The following KCNIP4 variants were observed in gnomAD, a reference collection of about 807,000 sequenced individuals.
KCNIP4 encodes Kv channel-interacting protein 4.
Under a neutral mutation model 34.0 loss-of-function variants are expected in KCNIP4, and 12 were observed. That is an observed-to-expected ratio of 0.35 (90% CI 0.23 to 0.57). KCNIP4 has a LOEUF of 0.57. KCNIP4 is among the 20% of genes least tolerant of loss of function. The probability of loss-of-function intolerance (pLI) is 0.83; values close to 1 mark genes in which losing one functional copy is unlikely to be tolerated. For synonymous variants in KCNIP4, 124 were observed against 102.2 expected (o/e 1.21, Z -1.29); for missense variants, 238 against 311.7 (o/e 0.76, Z 1.78).
intron 1 of KCNIP4, among the ~76,000 whole-genome samples, chr4:21,362,808 G>T (rs1224513046): frequency 2.0e-5 from 3 of 152,034 alleles, no homozygotes; most frequent in African/African-American, 4.8e-5. Flanking sequence ...AGTTAGAAAT[G>T]CAGACTAGGT....
chr4:20,943,179 A>T (rs557875095), intron 1 of KCNIP4, among the ~76,000 whole-genome samples: 2 of 152,294 alleles, frequency 1.3e-5, no homozygotes, highest in South Asian at 4.1e-4. Context: ...ACATATCTTT[A>T]AAAATATAAC....
intron 1 of KCNIP4, among the ~76,000 whole-genome samples, chr4:21,133,691 T>TA (rs1257611825): frequency 6.6e-6 from 1 of 152,218 alleles, no homozygotes; most frequent in African/African-American, 2.4e-5. Flanking sequence ...AAGACAATTT[T>TA]AAAAATATTA....
chr4:21,194,318 G>C (rs1196047104), intron 1 of KCNIP4, among the ~76,000 whole-genome samples: 1 of 152,150 alleles, frequency 6.6e-6, no homozygotes, highest in Admixed American at 6.5e-5. Flanking sequence ...TATGACTCCT[G>C]CCACTTCCAT....
intron 1 of KCNIP4, among the ~76,000 whole-genome samples, chr4:21,241,204 T>C (rs1234341908): frequency 1.3e-5 from 2 of 152,222 alleles, no homozygotes; most frequent in African/African-American, 2.4e-5. Flanking sequence ...ATTGTATGTT[T>C]GTTCACAGAA....
chr4:21,134,791 A>G (rs1254747939), intron 1 of KCNIP4, among the ~76,000 whole-genome samples: 1 of 152,122 alleles, frequency 6.6e-6, no homozygotes, highest in Non-Finnish European at 1.5e-5. Flanking sequence ...GTTCTCATGA[A>G]TCTTTAACTG....
chr4:20,957,075 G>T (rs553305676), intron 1 of KCNIP4, among the ~76,000 whole-genome samples: 392 of 152,188 alleles, frequency 2.6e-3, no homozygotes, highest in African/African-American at 8.6e-3. Flanking sequence ...TGGAAGAAAA[G>T]AAAGTAAAAA....
At chr4:21,447,969 T>G (rs1306557942) in intron 1 of KCNIP4, among the ~76,000 whole-genome samples, 1 of 152,102 alleles carries the variant, frequency 6.6e-6, no homozygotes, top group Non-Finnish European at 1.5e-5. Context: ...GAATTTTCCA[T>G]TTAATATTTT....
chr4:21,889,377 GA>G (rs35035073), intron 1 of KCNIP4, among the ~76,000 whole-genome samples: 22,297 of 149,646 alleles, frequency 0.15, 2,007 homozygotes, highest in Non-Finnish European at 0.2. Flanking sequence ...CTCAAAATCT[GA>G]AAAAAAAACA....
intron 1 of KCNIP4, among the ~76,000 whole-genome samples, chr4:21,520,277 G>GT (rs1289732082): frequency 6.6e-6 from 1 of 152,034 alleles, no homozygotes; most frequent in Non-Finnish European, 1.5e-5. Context: ...TTGACACTCA[G>GT]TATTAACCAT....
At chr4:21,490,763 C>G (rs1401879532) in intron 1 of KCNIP4, among the ~76,000 whole-genome samples, 1 of 152,112 alleles carries the variant, frequency 6.6e-6, no homozygotes, top group Non-Finnish European at 1.5e-5. Context: ...CAGCTTGATG[C>G]AAATGAAAGG....
intron 1 of KCNIP4, among the ~76,000 whole-genome samples, chr4:21,582,617 A>G (rs1741319424): frequency 6.6e-6 from 1 of 151,964 alleles, no homozygotes; most frequent in Non-Finnish European, 1.5e-5. Context: ...AATTTCTGTG[A>G]CCTGAGATTT....
At chr4:21,681,614 A>G (rs1400983790) in intron 1 of KCNIP4, among the ~76,000 whole-genome samples, 1 of 152,210 alleles carries the variant, frequency 6.6e-6, no homozygotes, top group Non-Finnish European at 1.5e-5. Context: ...TATTTCTCTC[A>G]GCATTCATAG....
chr4:21,264,783 T>C (rs1441362440), intron 1 of KCNIP4, among the ~76,000 whole-genome samples: 1 of 151,956 alleles, frequency 6.6e-6, no homozygotes, highest in African/African-American at 2.4e-5. Context: ...CAGAAAAGGA[T>C]CACAAAGATG....
chr4:21,696,021 A>G (rs963035494), intron 1 of KCNIP4, among the ~76,000 whole-genome samples: 4 of 152,152 alleles, frequency 2.6e-5, no homozygotes, highest in Admixed American at 2.6e-4. Flanking sequence ...CCGAGTTGGC[A>G]AAAGTCAGAT....
At chr4:20,750,806 A>G (rs1753473501) in intron 4 of KCNIP4, among the ~76,000 whole-genome samples, 1 of 152,204 alleles carries the variant, frequency 6.6e-6, no homozygotes, top group Non-Finnish European at 1.5e-5. Flanking sequence ...ATAAAATGGT[A>G]ACCTTTTAGC....
At chr4:21,750,423 T>G (rs1717078026) in intron 1 of KCNIP4, among the ~76,000 whole-genome samples, 1 of 152,046 alleles carries the variant, frequency 6.6e-6, no homozygotes, top group African/African-American at 2.4e-5. Flanking sequence ...GAAACTGGAG[T>G]GACACCAGCA....
chr4:21,716,170 G>A (rs73256535), intron 1 of KCNIP4, among the ~76,000 whole-genome samples: 40 of 152,232 alleles, frequency 2.6e-4, no homozygotes, highest in South Asian at 8.3e-4. Flanking sequence ...AGTTGTCTAC[G>A]GAACCCCAAG....
intron 1 of KCNIP4, among the ~76,000 whole-genome samples, chr4:21,678,707 T>C (rs899461521): frequency 4.6e-5 from 7 of 152,220 alleles, no homozygotes; most frequent in South Asian, 2.1e-4. Flanking sequence ...GATATTTCTA[T>C]GTTTCTCTTG....
chr4:21,536,470 T>C (rs1022148716), intron 1 of KCNIP4, among the ~76,000 whole-genome samples: 1 of 151,864 alleles, frequency 6.6e-6, no homozygotes, highest in Non-Finnish European at 1.5e-5. Context: ...TGTTTACATA[T>C]ATTACCTCAT....
Sources: allele counts gnomAD v4.1 joint callset (sites outside exome capture counted in the v4.1 genomes callset), GRCh38; gene constraint gnomAD v4.1.1; transcripts MANE v1.5; gene names NCBI Gene and HGNC (gene_info 2026-07-23, HGNC 2026-07-21).